Variants in TNPO1 observed in about 807,000 individuals in gnomAD.
The protein encoded by TNPO1 is transportin-1.
Under a neutral mutation model 119.5 loss-of-function variants are expected in TNPO1, and 8 were observed. That is an observed-to-expected ratio of 0.07 (90% confidence interval 0.04 to 0.12). The LOEUF (loss-of-function observed/expected upper bound fraction) is 0.12, where lower values mean the gene tolerates loss of function less well. Among genes scored for constraint, TNPO1 ranks in the 10% least tolerant of loss-of-function variants. TNPO1 has a pLI of 1.00. For missense variants in TNPO1, 576 were observed against 1,089.8 expected, an observed-to-expected ratio of 0.53 and a Z score of 6.64; for synonymous variants, 362 against 363.0, an observed-to-expected ratio of 1.00 and a Z score of 0.03.
At chr5:72,864,575 A>G (rs1456123027) in intron 5 of TNPO1, among the ~76,000 whole-genome samples, 4 of 151,548 alleles carry the variant, frequency 2.6e-5, no homozygotes, top group African/African-American at 7.2e-5. Flanking sequence ...ATACTTTTAT[A>G]TGTAAGTAAC....
rs1460004444 is a variant in TNPO1 at position 72,893,367 on chromosome 5, C to CT, written c.1897-9dup. 4 of 1,611,104 alleles carry CT rather than the reference C, an allele frequency of 2.5e-6. No homozygotes were observed. The highest frequency in any genetic ancestry group is 3.4e-6 in the Non-Finnish European group (4 of 1,179,154). On this transcript the variant is annotated splice_polypyrimidine_tract_variant and intron_variant, in intron 16 of 24. Transcript: ENST00000337273. ...ACCAAACTTACAAAAAACATTGTGT[C>CT]TAATTTCAGCTAAACAATGCTCAAC...
intron 1 of TNPO1, among the ~76,000 whole-genome samples, chr5:72,844,101 G>C (rs1745028506): frequency 6.6e-6 from 1 of 152,204 alleles, no homozygotes; most frequent in Non-Finnish European, 1.5e-5. Context: ...CAGGCAAAGA[G>C]AGTGAAAAGA....
At chr5:72,863,370 G>A (rs1254198710) in intron 5 of TNPO1, among the ~76,000 whole-genome samples, 2 of 151,964 alleles carry the variant, frequency 1.3e-5, no homozygotes, top group African/African-American at 4.8e-5. Context: ...TAATCCCAAG[G>A]CCTAGGTGGG....
At position 72,911,028 on chromosome 5, in the gene TNPO1, A is replaced by G. The variant is rs1435816172; in HGVS notation, c.*2355A>G. 2.6e-5 allele frequency: 4 copies of G among 152,070 alleles called. No individual in the cohort carries two copies. Among genetic ancestry groups the G allele is most frequent in the Non-Finnish European group, 4.4e-5 (3 of 67,948 alleles). The allele number at this position is 152,070 out of a possible 1,614,324, so 9.4% of individuals were successfully genotyped here. ...CTGTTAGTCTTTAATAACTGAGTAG[A>G]GTAGCTTTTTTATTCTTAGATTATA... On this transcript the variant is annotated 3_prime_UTR_variant, in exon 25 of 25. Transcript: ENST00000337273.
At position 72,903,515 on chromosome 5, in the gene TNPO1, T is replaced by C. The variant is rs539240767; in HGVS notation, c.2515-194T>C. ...CCAGTATAAACTGAATGAGTTGAGG[T>C]TCCTTGACTGTGGGCTAATAGGGAC... On this transcript the variant is annotated intron_variant, in intron 22 of 24. Transcript: ENST00000337273. Among the ~76,000 whole-genome samples the C allele has an allele frequency of 2.6e-5, 4 of 152,298 alleles. 1 individual carries two copies. The South Asian group carries it at 8.3e-4, about 32-fold the overall frequency.
At chr5:72,905,094 T>C (rs1379361195) in intron 23 of TNPO1, among the ~76,000 whole-genome samples, 2 of 152,160 alleles carry the variant, frequency 1.3e-5, no homozygotes, top group Admixed American at 6.5e-5. Context: ...GTGGGAATTA[T>C]GGGAGTACAA....
chr5:72,845,903 T>C (rs1254296172), intron 1 of TNPO1, among the ~76,000 whole-genome samples: 1 of 152,180 alleles, frequency 6.6e-6, no homozygotes, highest in Non-Finnish European at 1.5e-5. Context: ...GTGGGCTATC[T>C]GAATGTCACC....
chr5:72,875,850 T>TA, intron 8 of TNPO1, 113 bp downstream of exon 8: 1 of 1,236,776 alleles, frequency 8.1e-7, no homozygotes, highest in South Asian at 1.7e-5. Context: ...ATAATTGTCT[T>TA]AAAATTATAA....
intron 7 of TNPO1, 94 bp downstream of exon 7, chr5:72,872,814 A>C: frequency 1.6e-6 from 1 of 632,328 alleles, no homozygotes; most frequent in South Asian, 2.7e-5. Context: ...GCTTTAAAAC[A>C]AGAATCATTT....
At chr5:72,854,424 TACTA>T (rs1455252994) in intron 3 of TNPO1, among the ~76,000 whole-genome samples, 1 of 152,224 alleles carries the variant, frequency 6.6e-6, no homozygotes, top group African/African-American at 2.4e-5. Context: ...GGGAACATCA[TACTA>T]ACTAGAACAA....
At chr5:72,907,658 A>G (rs1322426350) in intron 24 of TNPO1, among the ~76,000 whole-genome samples, 10 of 152,324 alleles carry the variant, frequency 6.6e-5, no homozygotes, top group African/African-American at 2.2e-4. Flanking sequence ...AGCATAGAAA[A>G]AAGTTCCTAC....
chr5:72,907,303 C>T (rs910778761), intron 24 of TNPO1, among the ~76,000 whole-genome samples: 28 of 152,116 alleles, frequency 1.8e-4, no homozygotes, highest in African/African-American at 6.8e-4. Context: ...GATTTATTAC[C>T]TCTGTGGTCT....
intron 5 of TNPO1, among the ~76,000 whole-genome samples, chr5:72,864,112 A>G (rs1177989052): frequency 6.6e-6 from 1 of 152,160 alleles, no homozygotes; most frequent in East Asian, 1.9e-4. Flanking sequence ...ATTTGATGTA[A>G]TAGGCTTTCA....
chr5:72,894,400 G>A (rs1326342454), intron 18 of TNPO1, among the ~76,000 whole-genome samples: 1 of 152,176 alleles, frequency 6.6e-6, no homozygotes, highest in Non-Finnish European at 1.5e-5. Context: ...AGCCGGGCAC[G>A]GCGGCTCAGA....
At chr5:72,875,848 CT>C in intron 8 of TNPO1, 111 bp downstream of exon 8, 1 of 1,253,610 alleles carries the variant, frequency 8.0e-7, no homozygotes, top group Non-Finnish European at 1.1e-6. Flanking sequence ...TTATAATTGT[CT>C]TAAAATTATA....
chr5:72,877,659 CTA>C (rs1747898578), intron 9 of TNPO1, among the ~76,000 whole-genome samples: 1 of 151,828 alleles, frequency 6.6e-6, no homozygotes, highest in South Asian at 2.1e-4. Flanking sequence ...ACCACAGACT[CTA>C]TTGTGAAGTT....
chr5:72,838,107 CCTTT>C (rs1430866393), intron 1 of TNPO1, among the ~76,000 whole-genome samples: 2 of 152,046 alleles, frequency 1.3e-5, no homozygotes, highest in Admixed American at 6.6e-5. Context: ...TTTTTTTTAA[CCTTT>C]CTATTTTGCT....
intron 3 of TNPO1, 60 bp downstream of exon 3, chr5:72,851,379 TGA>T: frequency 5.1e-6 from 5 of 974,194 alleles, no homozygotes; most frequent in Non-Finnish European, 6.4e-6. Context: ...TTAAATGTAC[TGA>T]GAATTATTCA....
intron 1 of TNPO1, among the ~76,000 whole-genome samples, chr5:72,817,426 T>C (rs34645): frequency 0.86 from 130,898 of 152,258 alleles, 56,433 homozygotes; most frequent in Middle Eastern, 0.96. Flanking sequence ...GAGGAGCAGA[T>C]TGGCCACCAC....
Sources: allele counts gnomAD v4.1 joint callset (sites outside exome capture counted in the v4.1 genomes callset), GRCh38; gene constraint gnomAD v4.1.1; transcripts MANE v1.5; gene names NCBI Gene and HGNC (gene_info 2026-07-23, HGNC 2026-07-21).